The following GPC5 variants were observed in gnomAD, a reference collection of about 807,000 sequenced individuals.
The protein encoded by GPC5 is glypican-5.
In GPC5, 47 loss-of-function variants were observed where a neutral mutation model predicts 53.9. The ratio of observed to expected loss-of-function variants is 0.87; its 90% CI spans 0.69 to 1.11. The LOEUF is 1.11. Ranked by LOEUF, GPC5 falls within the 50% of genes most tolerant of loss-of-function variation. The pLI, the probability that GPC5 is intolerant of heterozygous loss-of-function variation, is 0.00. For synonymous variants in GPC5, 286 were observed against 263.3 expected (o/e 1.09, Z -0.84); for missense variants, 748 against 713.1 (o/e 1.05, Z -0.56).
intron 6 of GPC5, among the ~76,000 whole-genome samples, chr13:91,961,986 T>C (rs1217004419): frequency 6.6e-6 from 1 of 152,164 alleles, no homozygotes; most frequent in Admixed American, 6.6e-5. Context: ...CAGAAACATT[T>C]TTATATCAAA....
At chr13:91,578,061 T>A (rs1213296055) in intron 2 of GPC5, among the ~76,000 whole-genome samples, 1 of 152,216 alleles carries the variant, frequency 6.6e-6, no homozygotes, top group Non-Finnish European at 1.5e-5. Context: ...GAAAGCCAGC[T>A]GCCATGTTGT....
intron 2 of GPC5, among the ~76,000 whole-genome samples, chr13:91,622,339 G>C (rs2033883574): frequency 1.3e-5 from 2 of 152,076 alleles, no homozygotes; most frequent in African/African-American, 4.8e-5. Flanking sequence ...TCTGCAATGA[G>C]CAACTGCATG....
intron 7 of GPC5, among the ~76,000 whole-genome samples, chr13:92,848,918 G>A (rs1292731270): frequency 1.3e-5 from 2 of 152,110 alleles, no homozygotes; most frequent in African/African-American, 4.8e-5. Flanking sequence ...TATTCCAGGA[G>A]ATGGAGTGCA....
intron 6 of GPC5, among the ~76,000 whole-genome samples, chr13:91,951,944 TAA>T (rs949912487): frequency 2.6e-5 from 4 of 152,276 alleles, no homozygotes; most frequent in Admixed American, 6.5e-5. Context: ...TATGAAATTA[TAA>T]GTGCTTGAAA....
chr13:92,473,180 A>T, intron 7 of GPC5, among the ~76,000 whole-genome samples: 1 of 152,084 alleles, frequency 6.6e-6, no homozygotes, highest in East Asian at 1.9e-4. Context: ...GGTCTAATGC[A>T]TTTATAATAT....
chr13:92,669,216 T>A (rs775296536), intron 7 of GPC5, among the ~76,000 whole-genome samples: 2 of 152,176 alleles, frequency 1.3e-5, no homozygotes, highest in Non-Finnish European at 2.9e-5. Flanking sequence ...AAGCTGTTTA[T>A]CCTCTCCATG....
intron 7 of GPC5, among the ~76,000 whole-genome samples, chr13:92,324,197 A>G (rs950808482): frequency 6.6e-6 from 1 of 152,020 alleles, no homozygotes. Context: ...GTATGTTTGC[A>G]TATATAGGAT....
chr13:91,666,913 T>C (rs1362683506), intron 2 of GPC5, among the ~76,000 whole-genome samples: 1 of 152,200 alleles, frequency 6.6e-6, no homozygotes, highest in Non-Finnish European at 1.5e-5. Context: ...TTATTTCTTT[T>C]TTTAATTCAC....
At chr13:92,479,296 C>G (rs1274220444) in intron 7 of GPC5, among the ~76,000 whole-genome samples, 1 of 152,066 alleles carries the variant, frequency 6.6e-6, no homozygotes, top group Non-Finnish European at 1.5e-5. Context: ...TAAGGAGATG[C>G]AAGGAGAGCA....
intron 7 of GPC5, among the ~76,000 whole-genome samples, chr13:92,471,909 G>A (rs1878928624): frequency 6.6e-6 from 1 of 152,068 alleles, no homozygotes; most frequent in Non-Finnish European, 1.5e-5. Context: ...CACAATAGGT[G>A]GTTCTGTTTT....
At chr13:91,700,512 G>T (rs79413327) in intron 3 of GPC5, among the ~76,000 whole-genome samples, 1 of 152,156 alleles carries the variant, frequency 6.6e-6, no homozygotes, top group African/African-American at 2.4e-5. Flanking sequence ...TAGAAGAGTG[G>T]TCCATCACGT....
chr13:92,106,173 A>G (rs1260811007), intron 6 of GPC5, among the ~76,000 whole-genome samples: 1 of 151,992 alleles, frequency 6.6e-6, no homozygotes, highest in East Asian at 1.9e-4. Flanking sequence ...TTTAGAAGAT[A>G]ATGATAATTA....
chr13:91,938,050 T>G (rs1468041213), intron 6 of GPC5, among the ~76,000 whole-genome samples: 1 of 152,074 alleles, frequency 6.6e-6, no homozygotes, highest in Non-Finnish European at 1.5e-5. Flanking sequence ...CCGGAGCAAG[T>G]TCAGCTGAGA....
chr13:92,104,087 C>A (rs980630335), intron 6 of GPC5, among the ~76,000 whole-genome samples: 3 of 152,072 alleles, frequency 2.0e-5, no homozygotes, highest in Non-Finnish European at 4.4e-5. Context: ...TAAATCAGGT[C>A]AAACTCACAG....
intron 7 of GPC5, among the ~76,000 whole-genome samples, chr13:92,363,762 C>T (rs748548848): frequency 3.3e-5 from 5 of 151,742 alleles, no homozygotes; most frequent in Non-Finnish European, 5.9e-5. Context: ...CAAAGGTTAA[C>T]ATCATAGAGG....
At chr13:91,871,104 A>G (rs2039139266) in intron 5 of GPC5, among the ~76,000 whole-genome samples, 1 of 152,214 alleles carries the variant, frequency 6.6e-6, no homozygotes, top group Non-Finnish European at 1.5e-5. Context: ...TTTCCTGTAA[A>G]TCATAAGAGG....
intron 7 of GPC5, among the ~76,000 whole-genome samples, chr13:92,440,735 T>C (rs1245295649): frequency 1.3e-5 from 2 of 152,198 alleles, no homozygotes; most frequent in Non-Finnish European, 2.9e-5. Context: ...TATACCCTTT[T>C]CTCCATAACT....
chr13:91,932,956 T>C (rs2039835469), intron 6 of GPC5, among the ~76,000 whole-genome samples: 1 of 151,990 alleles, frequency 6.6e-6, no homozygotes, highest in Non-Finnish European at 1.5e-5. Flanking sequence ...AAAATCTAGG[T>C]TAAACAAATT....
intron 6 of GPC5, among the ~76,000 whole-genome samples, chr13:92,000,182 T>C (rs897202602): frequency 9.2e-5 from 14 of 152,162 alleles, no homozygotes; most frequent in African/African-American, 2.9e-4. Context: ...ATTTCTGTCT[T>C]CCCAAAATTC....
Sources: allele counts gnomAD v4.1 joint callset (sites outside exome capture counted in the v4.1 genomes callset), GRCh38; gene constraint gnomAD v4.1.1; transcripts MANE v1.5; gene names NCBI Gene and HGNC (gene_info 2026-07-23, HGNC 2026-07-21).